Variants in SUPT3H observed in about 807,000 individuals in gnomAD.
SUPT3H encodes SPT3 homolog, SAGA and STAGA complex component, also known as transcription initiation protein SPT3 homolog.
A neutral mutation model predicts 44.3 loss-of-function variants in SUPT3H; 44 were observed. The observed-to-expected ratio is 0.99, with a 90% CI of 0.78 to 1.28. SUPT3H has a LOEUF of 1.28. Ranked by LOEUF, SUPT3H falls within the 50% of genes most tolerant of loss-of-function variation. The probability of loss-of-function intolerance (pLI) is 0.00; values close to 1 mark genes in which losing one functional copy is unlikely to be tolerated. For missense variants in SUPT3H, 380 were observed against 387.1 expected, an observed-to-expected ratio of 0.98 and a Z score of 0.15; for synonymous variants, 124 against 125.6, an observed-to-expected ratio of 0.99 and a Z score of 0.09.
chr6:45,362,318 A>G (rs567452752), intron 2 of SUPT3H, among the ~76,000 whole-genome samples: 1 of 152,310 alleles, frequency 6.6e-6, no homozygotes, highest in African/African-American at 2.4e-5. Context: ...ACAACAACTC[A>G]TTAATAGTGA....
At chr6:45,322,816 C>A (rs1785720561) in intron 2 of SUPT3H, 2 of 1,340,134 alleles carry the variant, frequency 1.5e-6, no homozygotes, top group Non-Finnish European at 2.1e-6. Flanking sequence ...TGGCAAGATG[C>A]ACTTTCTCCA....
intron 6 of SUPT3H, among the ~76,000 whole-genome samples, chr6:44,995,555 C>G (rs1781162279): frequency 6.6e-6 from 1 of 152,038 alleles, no homozygotes; most frequent in African/African-American, 2.4e-5. Context: ...GCAACAAGCG[C>G]CTTCTCTAGA....
At chr6:44,980,507 G>A (rs181289704) in intron 6 of SUPT3H, among the ~76,000 whole-genome samples, 2 of 152,246 alleles carry the variant, frequency 1.3e-5, no homozygotes, top group Admixed American at 6.5e-5. Context: ...GTGACCAAAC[G>A]TGGCTGAGGG....
intron 6 of SUPT3H, among the ~76,000 whole-genome samples, chr6:44,984,817 A>G (rs1162254697): frequency 6.6e-6 from 1 of 152,060 alleles, no homozygotes; most frequent in Non-Finnish European, 1.5e-5. Context: ...ATAAACATAA[A>G]TTACATAAAG....
intron 2 of SUPT3H, among the ~76,000 whole-genome samples, chr6:45,176,544 C>G (rs1464880896): frequency 6.7e-6 from 1 of 150,098 alleles, no homozygotes; most frequent in South Asian, 2.2e-4. Context: ...ACAAAGCAGC[C>G]AGGAAGCTCG....
At position 45,324,238 on chromosome 6, in the gene SUPT3H, GAA is replaced by G. The variant is rs5875918; in HGVS notation, c.101+40961_101+40962del. On this transcript the variant is annotated intron_variant, in intron 2 of 10. Transcript: ENST00000371459. ...CTCTGCACTTCAAAGAATAATCAAAGAAAAAAAAGTAATCCTCATAATTAAAG... is the reference window on the plus strand; with the variant it reads ...CTCTGCACTTCAAAGAATAATCAAAGAAAAAAGTAATCCTCATAATTAAAG... Among the ~76,000 whole-genome samples the G allele has an allele frequency of 6.6e-3, 1,000 of 151,762 alleles. 8 individuals carry two copies. Among genetic ancestry groups the G allele is most frequent in the Middle Eastern group, 0.01 (3 of 294 alleles).
At chr6:45,370,215 C>T (rs762886623) in intron 1 of SUPT3H, among the ~76,000 whole-genome samples, 3 of 152,038 alleles carry the variant, frequency 2.0e-5, no homozygotes, top group Admixed American at 6.6e-5. Flanking sequence ...GTTTAACAAG[C>T]GGAGATGATG....
intron 2 of SUPT3H, among the ~76,000 whole-genome samples, chr6:45,291,529 A>C (rs1780314050): frequency 6.6e-6 from 1 of 152,210 alleles, no homozygotes; most frequent in South Asian, 2.1e-4. Context: ...AGGTGGCCAC[A>C]ATGTAAGGAA....
At chr6:44,953,275 A>G in intron 9 of SUPT3H, 35 bp downstream of exon 9, 1 of 1,544,070 alleles carries the variant, frequency 6.5e-7, no homozygotes. Flanking sequence ...GTCAAAATTC[A>G]CAAATGTTTT....
intron 3 of SUPT3H, among the ~76,000 whole-genome samples, chr6:45,044,722 C>T (rs1789103469): frequency 6.6e-6 from 1 of 152,106 alleles, no homozygotes; most frequent in South Asian, 2.1e-4. Flanking sequence ...TCCAGGCCTG[C>T]TGGGTTTCAG....
At chr6:45,252,554 T>C (rs1352562944) in intron 2 of SUPT3H, among the ~76,000 whole-genome samples, 1 of 152,070 alleles carries the variant, frequency 6.6e-6, no homozygotes, top group Admixed American at 6.5e-5. Context: ...CCAATAGAAT[T>C]TCACATCCAG....
chr6:44,887,714 A>G (rs565695818), intron 10 of SUPT3H, among the ~76,000 whole-genome samples: 4 of 151,414 alleles, frequency 2.6e-5, no homozygotes, highest in Admixed American at 2.6e-4. Context: ...AAGAACTAGA[A>G]AAGCAAGAGC....
intron 10 of SUPT3H, among the ~76,000 whole-genome samples, chr6:44,900,884 C>T (rs1764904165): frequency 6.6e-6 from 1 of 152,196 alleles, no homozygotes. Context: ...TGTTCTGCAG[C>T]CTCCGCTTTT....
intron 3 of SUPT3H, among the ~76,000 whole-genome samples, chr6:45,097,232 C>T (rs1233550543): frequency 2.0e-5 from 3 of 152,188 alleles, no homozygotes. Flanking sequence ...TGTCCCTGAA[C>T]ATTCTTTTGA....
chr6:45,194,888 T>C (rs1815756684), intron 2 of SUPT3H, among the ~76,000 whole-genome samples: 1 of 152,188 alleles, frequency 6.6e-6, no homozygotes, highest in South Asian at 2.1e-4. Context: ...CTGACTACTA[T>C]ACTTTAGACA....
rs530374730 is a variant in SUPT3H at position 44,989,310 on chromosome 6, C to T, written c.504+14343G>A. On this transcript the variant is annotated intron_variant, in intron 6 of 10. Transcript: ENST00000371459. ...TTCATTCATGTAGTCACAAATGGCACAATATCCACTTTTTTGAAGGCTGAG... is the reference window on the plus strand; with the variant it reads ...TTCATTCATGTAGTCACAAATGGCATAATATCCACTTTTTTGAAGGCTGAG... 2.6e-5 allele frequency among the ~76,000 whole-genome samples: 4 copies of T among 152,196 alleles called. No individual in the cohort carries two copies. In the East Asian group the frequency reaches 7.7e-4, roughly 29 times the overall value.
At chr6:45,068,561 T>C (rs1275178165) in intron 3 of SUPT3H, among the ~76,000 whole-genome samples, 1 of 152,228 alleles carries the variant, frequency 6.6e-6, no homozygotes, top group African/African-American at 2.4e-5. Context: ...AATAGCAAGT[T>C]GATTGAAAAC....
chr6:45,351,135 G>C (rs1452650422), intron 2 of SUPT3H, among the ~76,000 whole-genome samples: 1 of 152,024 alleles, frequency 6.6e-6, no homozygotes, highest in Non-Finnish European at 1.5e-5. Flanking sequence ...CACGAAACTG[G>C]TCCCTGCTGC....
chr6:45,120,466 T>C (rs903650573), intron 2 of SUPT3H, among the ~76,000 whole-genome samples: 18 of 135,790 alleles, frequency 1.3e-4, no homozygotes, highest in African/African-American at 4.8e-4. Flanking sequence ...ATATCCAAGT[T>C]AGGGTGACTG....
Sources: gnomAD v4.1 joint callset for allele counts (sites outside exome capture counted in the v4.1 genomes callset) on GRCh38, gnomAD v4.1.1 for gene constraint, MANE v1.5 for transcripts, NCBI Gene and HGNC (gene_info 2026-07-23, HGNC 2026-07-21) for gene names.